TBL1Y: variants seen among roughly 807,000 people sequenced by gnomAD.
The protein encoded by TBL1Y is transducin beta like 1 Y-linked.
TBL1Y carries 15 observed loss-of-function variants against 12.0 expected under a neutral mutation model. The ratio of observed to expected loss-of-function variants is 1.25; its 90% CI spans 0.83 to 1.92. The LOEUF is 1.92. TBL1Y is among the 40% of genes most tolerant of loss of function. The pLI is 0.00. For missense variants in TBL1Y, 148 were observed against 116.7 expected (o/e 1.27, Z -1.24); for synonymous variants, 53 against 42.6 (o/e 1.24, Z -0.95).
intron 6 of TBL1Y, among the ~76,000 whole-genome samples, chrY:7,033,018 C>T (rs774058507): frequency 6.0e-5 from 2 of 33,093 alleles, no homozygotes; most frequent in African/African-American, 1.2e-4. Flanking sequence ...CATAAAAAAC[C>T]GTTCAAAAAA....
intron 2 of TBL1Y, among the ~76,000 whole-genome samples, chrY:6,942,965 G>A: frequency 3.1e-5 from 1 of 32,577 alleles, no homozygotes; most frequent in Admixed American, 2.8e-4. Flanking sequence ...CTGGACAACA[G>A]AATGAGACAC....
intron 2 of TBL1Y, among the ~76,000 whole-genome samples, chrY:6,970,239 G>A: frequency 3.0e-5 from 1 of 33,202 alleles, no homozygotes; most frequent in Non-Finnish European, 7.4e-5. Flanking sequence ...ATGTGAAAGC[G>A]CTTAGAACAT....
At chrY:7,070,454 G>T in intron 9 of TBL1Y, 126 bp downstream of exon 9, 1 of 246,108 alleles carries the variant, frequency 4.1e-6, no homozygotes, top group East Asian at 1.1e-4. Flanking sequence ...CCCAGGAATG[G>T]GCTGCTCTTT....
At chrY:7,065,871 T>G in intron 8 of TBL1Y, among the ~76,000 whole-genome samples, 1 of 33,796 alleles carries the variant, frequency 3.0e-5, no homozygotes, top group Non-Finnish European at 7.3e-5. Flanking sequence ...TGGATATGGT[T>G]GTTTGACTGC....
intron 3 of TBL1Y, among the ~76,000 whole-genome samples, chrY:6,994,417 AG>A (rs2124136533): frequency 3.0e-5 from 1 of 33,642 alleles, no homozygotes; most frequent in South Asian, 6.9e-4. Flanking sequence ...AGCTCATTAT[AG>A]TAATGTTTTC....
At chrY:6,912,330 C>T (rs996724158) in intron 2 of TBL1Y, among the ~76,000 whole-genome samples, 158 bp downstream of exon 2, 2 of 33,712 alleles carry the variant, frequency 5.9e-5, no homozygotes, top group Admixed American at 2.7e-4. Flanking sequence ...GGAAAGCCGC[C>T]GAGCTGGGTA....
At chrY:6,922,587 G>T (rs771440076) in intron 2 of TBL1Y, among the ~76,000 whole-genome samples, 1 of 34,423 alleles carries the variant, frequency 2.9e-5, no homozygotes, top group East Asian at 7.9e-4. Flanking sequence ...TAGACACAGA[G>T]CGCTGATTGG....
chrY:7,033,526 A>G, intron 6 of TBL1Y, among the ~76,000 whole-genome samples: 1 of 33,497 alleles, frequency 3.0e-5, no homozygotes, highest in Non-Finnish European at 7.4e-5. Flanking sequence ...CAGAGACACA[A>G]CAAAACAAGA....
At chrY:7,028,821 C>T in intron 6 of TBL1Y, among the ~76,000 whole-genome samples, 1 of 32,215 alleles carries the variant, frequency 3.1e-5, no homozygotes, top group African/African-American at 1.2e-4. Flanking sequence ...ATGTGCCTTT[C>T]CCGTGAGCTC....
chrY:6,945,483 G>A, intron 2 of TBL1Y, among the ~76,000 whole-genome samples: 1 of 32,171 alleles, frequency 3.1e-5, no homozygotes, highest in African/African-American at 1.2e-4. Context: ...ATGTCTCACC[G>A]TAACCCTTGT....
chrY:7,073,268 T>C (rs769373295), intron 12 of TBL1Y, among the ~76,000 whole-genome samples: 27 of 33,841 alleles, frequency 8.0e-4, no homozygotes, highest in African/African-American at 3.1e-3. Context: ...CACTCCTTTG[T>C]TGACACTTGT....
chrY:6,958,289 T>C (rs2012081040), intron 2 of TBL1Y, among the ~76,000 whole-genome samples: 1 of 33,160 alleles, frequency 3.0e-5, no homozygotes, highest in Non-Finnish European at 7.4e-5. Context: ...CCTCAACTCT[T>C]CTCCACCTTA....
intron 4 of TBL1Y, among the ~76,000 whole-genome samples, chrY:7,001,613 C>T: frequency 6.4e-5 from 2 of 31,345 alleles, no homozygotes; most frequent in Non-Finnish European, 1.5e-4. Context: ...AGCGAGACTC[C>T]GTCTCAAAAA....
chrY:6,966,811 C>T (rs976252722), intron 2 of TBL1Y, among the ~76,000 whole-genome samples: 7 of 32,666 alleles, frequency 2.1e-4, no homozygotes, highest in African/African-American at 8.4e-4. Flanking sequence ...ATGTTGAGAG[C>T]TATGTATTTC....
chrY:6,930,108 TGGAAAA>T (rs2011855584), intron 2 of TBL1Y, among the ~76,000 whole-genome samples: 1 of 33,629 alleles, frequency 3.0e-5, no homozygotes, highest in Non-Finnish European at 7.4e-5. Context: ...AGCAGGTCAG[TGGAAAA>T]CCACTGAATT....
At chrY:7,054,995 A>C in intron 7 of TBL1Y, among the ~76,000 whole-genome samples, 1 of 33,645 alleles carries the variant, frequency 3.0e-5, no homozygotes, top group Non-Finnish European at 7.4e-5. Context: ...CAGGTAACAG[A>C]ATAAAGGGAT....
intron 7 of TBL1Y, among the ~76,000 whole-genome samples, chrY:7,052,258 T>C: frequency 2.9e-5 from 1 of 33,969 alleles, no homozygotes; most frequent in African/African-American, 1.2e-4. Flanking sequence ...CTTTTATAAG[T>C]CAGTTTGGTA....
chrY:6,927,286 A>G, intron 2 of TBL1Y, among the ~76,000 whole-genome samples: 1 of 33,012 alleles, frequency 3.0e-5, no homozygotes, highest in Admixed American at 2.8e-4. Context: ...GTGCAACGGC[A>G]TGGTCTTGGG....
At chrY:6,928,020 A>G (rs2011838871) in intron 2 of TBL1Y, among the ~76,000 whole-genome samples, 1 of 32,858 alleles carries the variant, frequency 3.0e-5, no homozygotes, top group African/African-American at 1.2e-4. Context: ...GAGAAATAGG[A>G]CTCACCGCCA....
Sources: allele counts gnomAD v4.1 joint callset (sites outside exome capture counted in the v4.1 genomes callset), GRCh38; gene constraint gnomAD v4.1.1; transcripts MANE v1.5; gene names NCBI Gene and HGNC (gene_info 2026-07-23, HGNC 2026-07-21).